Variants in SPECC1L observed in about 807,000 individuals in gnomAD.
SPECC1L encodes the protein sperm antigen with calponin homology and coiled-coil domains 1 like, also known as cytospin-A.
SPECC1L carries 40 observed loss-of-function variants against 116.8 expected under a neutral mutation model. The observed-to-expected ratio is 0.34, with a 90% CI of 0.27 to 0.45. The LOEUF is 0.45. SPECC1L is among the 20% of genes least tolerant of loss of function. SPECC1L has a pLI of 1.00. For synonymous variants in SPECC1L, 504 were observed against 500.6 expected (o/e 1.01, Z -0.09); for missense variants, 1,110 against 1,373.6 (o/e 0.81, Z 3.03).
At chr22:24,381,107 A>C (rs2042054510) in intron 14 of SPECC1L, among the ~76,000 whole-genome samples, 1 of 152,186 alleles carries the variant, frequency 6.6e-6, no homozygotes, top group East Asian at 1.9e-4. Context: ...GAATAGGGAA[A>C]GTATTTATAC....
At chr22:24,364,315 C>T (rs1193207053) in intron 12 of SPECC1L, among the ~76,000 whole-genome samples, 2 of 152,146 alleles carry the variant, frequency 1.3e-5, no homozygotes, top group East Asian at 3.9e-4. Flanking sequence ...TGCTATTTCC[C>T]AACAGTTGAC....
Position 24,322,072 on chromosome 22 carries a change from T to C in SPECC1L, c.1092T>C (p.Asp364=). ...TCACATCGAGCGATGATGCGCTGGATGCACCATCCTCCTCAGAGTCGGAAG... is the reference window on the plus strand; with the variant it reads ...TCACATCGAGCGATGATGCGCTGGACGCACCATCCTCCTCAGAGTCGGAAG... ...QPLTSSDDAL[D]APSSSESEGI... The change falls in exon 5 of 17, where the codon GAT becomes GAC. Residue 364 remains aspartate (D), a synonymous_variant. Transcript: ENST00000314328. The C allele has an allele frequency of 6.2e-7, 1 of 1,614,144 alleles. No homozygotes were observed. The highest frequency in any genetic ancestry group is 8.5e-7 in the Non-Finnish European group (1 of 1,180,016).
intron 15 of SPECC1L, 117 bp from the exon 16 acceptor site, chr22:24,412,531 G>C (rs2042719207): frequency 1.1e-6 from 1 of 921,006 alleles, no homozygotes; most frequent in Non-Finnish European, 1.8e-6. Flanking sequence ...GTTTGTTGTG[G>C]CACCAGGTAG....
chr22:24,356,318 A>G (rs1226199240), intron 11 of SPECC1L, among the ~76,000 whole-genome samples: 5 of 152,144 alleles, frequency 3.3e-5, no homozygotes, highest in South Asian at 2.1e-4. Context: ...TTTTAGTTCT[A>G]TCAGGTTTTA....
chr22:24,281,238 G>T, intron 2 of SPECC1L, among the ~76,000 whole-genome samples: 1 of 152,182 alleles, frequency 6.6e-6, no homozygotes, highest in Non-Finnish European at 1.5e-5. Flanking sequence ...AGAGAAAAAT[G>T]TAGTGAAATA....
chr22:24,326,719 A>G (rs908661545), intron 6 of SPECC1L, among the ~76,000 whole-genome samples: 1 of 152,178 alleles, frequency 6.6e-6, no homozygotes, highest in Non-Finnish European at 1.5e-5. Flanking sequence ...TACATATGAC[A>G]CATTTATCAA....
intron 4 of SPECC1L, among the ~76,000 whole-genome samples, chr22:24,316,180 A>G (rs2040559691): frequency 2.0e-5 from 3 of 152,208 alleles, no homozygotes; most frequent in Non-Finnish European, 4.4e-5. Flanking sequence ...GTATCAATTC[A>G]CTTGTCTTTA....
In SPECC1L at chr22:24,384,688, A is replaced by G. The variant is rs1342520754; in HGVS notation, c.3087+15368A>G. ...GCTACAGTTGACGTTGGCTGCATGG[A>G]GTTACTGAGAACTTAAAATGTGGCT... On this transcript the variant is annotated intron_variant, in intron 14 of 16. Transcript: ENST00000314328. Among the ~76,000 whole-genome samples, 3 of 152,184 alleles carry G rather than the reference A, an allele frequency of 2.0e-5. No individual in the cohort carries two copies. The East Asian group carries it at 5.8e-4, about 29-fold the overall frequency.
chr22:24,417,119 C>A lies in SPECC1L; in HGVS notation c.*2496C>A, dbSNP rs1270432022. The A allele has an allele frequency of 1.3e-5, 2 of 152,576 alleles. No individual in the cohort carries two copies. The highest frequency in any genetic ancestry group is 4.8e-5 in the African/African-American group (2 of 41,458). The allele number at this position is 152,576 out of a possible 1,614,324, so 9.5% of individuals were successfully genotyped here. On this transcript the variant is annotated 3_prime_UTR_variant, in exon 17 of 17. Coordinates refer to ENST00000314328, the MANE Select transcript of SPECC1L (RefSeq NM_015330.6). ...GAAGCCACTTTGCCTCTTCTCCCTT[C>A]AAGCACAAGCTTTACTGCAAAAGGG...
chr22:24,347,783 C>T (rs376343954), intron 11 of SPECC1L, among the ~76,000 whole-genome samples: 26 of 152,232 alleles, frequency 1.7e-4, no homozygotes, highest in African/African-American at 6.0e-4. Flanking sequence ...TCAAGCAATT[C>T]TCCCACCTCA....
intron 14 of SPECC1L, among the ~76,000 whole-genome samples, chr22:24,391,397 A>T (rs1162156109): frequency 6.6e-6 from 1 of 152,212 alleles, no homozygotes; most frequent in African/African-American, 2.4e-5. Flanking sequence ...TCAGGGCTGT[A>T]ATTTTAAAAA....
rs559488147 is a variant in SPECC1L at position 24,275,113 on chromosome 22, T to C, written c.-141-1587T>C. Among the ~76,000 whole-genome samples, 411 of 152,372 alleles carry C rather than the reference T, an allele frequency of 2.7e-3. 1 individual carries two copies. The highest frequency in any genetic ancestry group is 9.2e-3 in the African/African-American group (383 of 41,576). Reference sequence around the variant, plus strand: ...AGGCTTCCCTAGTCCTCCTGCCTCCTGCAGACTTGTCTGGCACCCTGTGCA... The same window carrying C: ...AGGCTTCCCTAGTCCTCCTGCCTCCCGCAGACTTGTCTGGCACCCTGTGCA... On this transcript the variant is annotated intron_variant, in intron 1 of 16. Transcript: ENST00000314328.
intron 11 of SPECC1L, among the ~76,000 whole-genome samples, chr22:24,362,936 C>T (rs749571855): frequency 1.7e-4 from 26 of 152,120 alleles, no homozygotes; most frequent in Non-Finnish European, 3.8e-4. Flanking sequence ...TAGTTTGTAG[C>T]GTAGACCTAG....
chr22:24,314,345 G>A (rs1244581333), intron 4 of SPECC1L, among the ~76,000 whole-genome samples: 2 of 152,190 alleles, frequency 1.3e-5, no homozygotes, highest in South Asian at 2.1e-4. Flanking sequence ...CACCACGCCC[G>A]ACCAGAGAAG....
chr22:24,324,878 G>T (rs538501973), intron 6 of SPECC1L, among the ~76,000 whole-genome samples: 1 of 152,258 alleles, frequency 6.6e-6, no homozygotes, highest in East Asian at 1.9e-4. Flanking sequence ...GTCACAGATT[G>T]ATCCTGTGTC....
At chr22:24,412,520 G>C (rs1393227731) in intron 15 of SPECC1L, 128 bp from the exon 16 acceptor site, 1 of 848,046 alleles carries the variant, frequency 1.2e-6, no homozygotes, top group Non-Finnish European at 2.0e-6. Flanking sequence ...TCCCAGCATA[G>C]GTTTGTTGTG....
intron 14 of SPECC1L, among the ~76,000 whole-genome samples, chr22:24,383,271 G>A (rs192529529): frequency 6.6e-6 from 1 of 152,152 alleles, no homozygotes; most frequent in African/African-American, 2.4e-5. Context: ...ATAGTATCCT[G>A]CATTCCATCA....
At chr22:24,393,340 G>A (rs1858783146) in intron 14 of SPECC1L, among the ~76,000 whole-genome samples, 1 of 152,200 alleles carries the variant, frequency 6.6e-6, no homozygotes, top group East Asian at 1.9e-4. Context: ...CAATATGAGG[G>A]TGAGATTAAG....
intron 8 of SPECC1L, among the ~76,000 whole-genome samples, chr22:24,333,545 A>T (rs553082036): frequency 6.6e-6 from 1 of 150,992 alleles, no homozygotes; most frequent in East Asian, 1.9e-4. Context: ...CATGTTACTA[A>T]TATGGGTCTA....
Sources: allele counts gnomAD v4.1 joint callset (sites outside exome capture counted in the v4.1 genomes callset), GRCh38; gene constraint gnomAD v4.1.1; transcripts MANE v1.5; gene names NCBI Gene and HGNC (gene_info 2026-07-23, HGNC 2026-07-21).